LCOR: variants seen among roughly 807,000 people sequenced by gnomAD.
LCOR encodes ligand dependent nuclear receptor corepressor.
In LCOR, 14 loss-of-function variants were observed where a neutral mutation model predicts 64.4. The observed-to-expected ratio is 0.22, with a 90% CI of 0.14 to 0.34. The LOEUF (loss-of-function observed/expected upper bound fraction) is 0.34. Ranked by LOEUF, LCOR falls within the 10% of genes least tolerant of loss-of-function variation. The pLI is 1.00. For missense variants in LCOR, 1,686 were observed against 1,765.3 expected (o/e 0.96, Z 0.80); for synonymous variants, 643 against 642.5 (o/e 1.00, Z -0.01).
chr10:96,833,402 C>G lies in LCOR; in HGVS notation c.-403-4C>G, dbSNP rs963459544. On this transcript the variant is annotated splice_region_variant and splice_polypyrimidine_tract_variant and intron_variant, in intron 1 of 7. Coordinates refer to ENST00000421806, the MANE Select transcript of LCOR (RefSeq NM_001346516.2). ...GTGTGTTTTGTCTGTTTTTCTCTCCCAAGGTCCCGTTTCCCTCTGTGCGGC... is the reference window on the plus strand; with the variant it reads ...GTGTGTTTTGTCTGTTTTTCTCTCCGAAGGTCCCGTTTCCCTCTGTGCGGC... 8.1e-6 allele frequency: 8 copies of G among 985,750 alleles called. No individual in the cohort carries two copies. Among genetic ancestry groups the G allele is most frequent in the African/African-American group, 1.7e-5 (1 of 57,230 alleles). The allele number at this position is 985,750 out of a possible 1,614,324, so 61.1% of individuals were successfully genotyped here. A position where few individuals can be genotyped will look rare whatever the true frequency, so the allele number is the denominator to read the frequency against.
At position 96,982,962 on chromosome 10, in the gene LCOR, G is replaced by A; in HGVS notation, c.2502G>A (p.Gln834=). 6.2e-7 allele frequency: 1 copy of A among 1,613,068 alleles called. No homozygotes were observed. Among genetic ancestry groups the A allele is most frequent in the Non-Finnish European group, 8.5e-7 (1 of 1,179,722 alleles). Residue 834 remains glutamine (Q), a synonymous_variant, in exon 8 of 8, where the codon CAG becomes CAA. Coordinates refer to ENST00000421806, the MANE Select transcript of LCOR (RefSeq NM_001346516.2). ...CTGCTGACAGATGCCTAAGAAATCA[G>A]AGTTCAGATTCTTCCTCAGCTTGTC... ...SSSADRCLRN[Q]SSDSSSACLE...
chr10:96,834,269 A>G (rs1034405503), intron 2 of LCOR, among the ~76,000 whole-genome samples: 2 of 152,232 alleles, frequency 1.3e-5, no homozygotes, highest in Non-Finnish European at 2.9e-5. Flanking sequence ...TGCATTTTCA[A>G]ACATATGCTT....
intron 2 of LCOR, among the ~76,000 whole-genome samples, chr10:96,851,872 CCAAA>C (rs1452190720): frequency 6.6e-6 from 1 of 152,112 alleles, no homozygotes; most frequent in Non-Finnish European, 1.5e-5. Context: ...CTTAGTTACC[CCAAA>C]CACATTATTT....
At chr10:96,940,896 G>A (rs1340080518) in intron 4 of LCOR, among the ~76,000 whole-genome samples, 1 of 151,500 alleles carries the variant, frequency 6.6e-6, no homozygotes. Context: ...GGGCGGCCGG[G>A]CAGAAGTGCC....
In LCOR at chr10:96,832,883, A is replaced by G. The variant is rs1458893935; in HGVS notation, c.-404+484A>G. 6.9e-5 allele frequency: 44 copies of G among 642,160 alleles called. No homozygotes were observed. The South Asian group carries it at 9.7e-4, about 14-fold the overall frequency. 39.8% of individuals were successfully genotyped at this position (642,160 alleles called of 1,614,324 possible). The stretch of plus-strand genomic sequence containing the variant: ...CCTCCTCCTGCGCCACCCCTCCCCC[A>G]CGCGCGGGGCGCGCCCCCGGGTCTG... On this transcript the variant is annotated intron_variant, in intron 1 of 7. Transcript: ENST00000421806.
chr10:96,857,094 ATATG>A (rs61024605), intron 2 of LCOR, among the ~76,000 whole-genome samples: 21,457 of 151,896 alleles, frequency 0.14, 2,060 homozygotes, highest in African/African-American at 0.27. Context: ...ATATGTATAT[ATATG>A]TGTGTATATA....
chr10:96,849,594 G>A (rs1417217095), intron 2 of LCOR, among the ~76,000 whole-genome samples: 1 of 152,174 alleles, frequency 6.6e-6, no homozygotes, highest in Non-Finnish European at 1.5e-5. Flanking sequence ...AACACCATAA[G>A]TGGATAATTA....
At chr10:96,975,177 AAAT>A (rs1401454559) in intron 7 of LCOR, among the ~76,000 whole-genome samples, 1 of 152,220 alleles carries the variant, frequency 6.6e-6, no homozygotes, top group Non-Finnish European at 1.5e-5. Flanking sequence ...TCTCAAAATA[AAAT>A]AATAAAATAA....
rs1474621279 is a variant in LCOR at position 96,981,767 on chromosome 10, C to G, written c.1307C>G (p.Ala436Gly). The G allele has an allele frequency of 6.2e-7, 1 of 1,614,112 alleles. No individual in the cohort carries two copies. Among genetic ancestry groups the G allele is most frequent in the East Asian group, 2.2e-5 (1 of 44,886 alleles). Residue 436 changes from alanine to glycine, a missense_variant, in exon 8 of 8, where the codon GCA (alanine) becomes GGA (glycine). This residue lies in a region of LCOR where 1,293 missense variants were observed against 1,410.4 expected (regional missense o/e 0.92). Transcript: ENST00000421806. ...CCTATGCCAGCTGTACACAAAGCGG[C>G]AAATGGACACTCAAGAACCAAGATG... Reference protein sequence around the residue: ...PGPMPAVHKAANGHSRTKMIS... With the variant: ...PGPMPAVHKAGNGHSRTKMIS...
chr10:96,933,465 C>G (rs1056496112), intron 4 of LCOR, among the ~76,000 whole-genome samples: 31 of 152,070 alleles, frequency 2.0e-4, no homozygotes, highest in Non-Finnish European at 5.9e-5. Flanking sequence ...GAACACAAGT[C>G]CCTGGTTAAG....
chr10:96,860,552 T>C (rs926711296), intron 2 of LCOR, among the ~76,000 whole-genome samples: 5 of 152,214 alleles, frequency 3.3e-5, no homozygotes, highest in African/African-American at 4.8e-5. Flanking sequence ...AGAATCGCAA[T>C]GTTGTTTTCA....
At chr10:96,858,018 A>G (rs1306497332) in intron 2 of LCOR, among the ~76,000 whole-genome samples, 1 of 152,208 alleles carries the variant, frequency 6.6e-6, no homozygotes, top group African/African-American at 2.4e-5. Context: ...CAAGTTATTT[A>G]AGGAAAAATA....
At chr10:96,854,616 C>T (rs553164311) in intron 2 of LCOR, among the ~76,000 whole-genome samples, 8 of 152,210 alleles carry the variant, frequency 5.3e-5, no homozygotes, top group Admixed American at 2.0e-4. Flanking sequence ...CTTGAGCCAC[C>T]GTGCCTGGCC....
At chr10:96,956,648 T>G (rs778839413) in intron 7 of LCOR, 5 of 985,890 alleles carry the variant, frequency 5.1e-6, no homozygotes, top group Non-Finnish European at 6.0e-6. Flanking sequence ...AACACTACCT[T>G]TGCTGTAATT....
At chr10:96,930,015 A>T (rs1230150078) in intron 4 of LCOR, among the ~76,000 whole-genome samples, 1 of 152,226 alleles carries the variant, frequency 6.6e-6, no homozygotes, top group African/African-American at 2.4e-5. Context: ...AACATAAAAA[A>T]TCACTAATTA....
intron 4 of LCOR, among the ~76,000 whole-genome samples, chr10:96,943,435 ATGTAT>A (rs1371843168): frequency 2.0e-5 from 3 of 152,194 alleles, no homozygotes; most frequent in African/African-American, 4.8e-5. Flanking sequence ...TCAAACATAG[ATGTAT>A]TGTAACAAAA....
intron 2 of LCOR, among the ~76,000 whole-genome samples, chr10:96,866,844 G>A (rs904249223): frequency 2.6e-5 from 4 of 152,112 alleles, no homozygotes; most frequent in Non-Finnish European, 4.4e-5. Flanking sequence ...CCAAAGTGTT[G>A]TGATTACAGA....
intron 7 of LCOR, among the ~76,000 whole-genome samples, chr10:96,953,737 T>C (rs2134530730): frequency 6.6e-6 from 1 of 152,380 alleles, no homozygotes; most frequent in East Asian, 1.9e-4. Flanking sequence ...TGTTTTCTAC[T>C]GGTTTTGTTT....
intron 7 of LCOR, chr10:96,955,500 G>T: frequency 1.2e-6 from 2 of 1,614,088 alleles, no homozygotes; most frequent in South Asian, 2.2e-5. Context: ...AAAATTAAGG[G>T]CTATTCTTCC....
Sources: allele counts gnomAD v4.1 joint callset (sites outside exome capture counted in the v4.1 genomes callset), GRCh38; gene constraint gnomAD v4.1.1; regional missense constraint gnomAD v4.1.1; transcripts MANE v1.5; gene names NCBI Gene and HGNC (gene_info 2026-07-23, HGNC 2026-07-21).